Variants in TCF7 observed in about 807,000 individuals in gnomAD.
TCF7 encodes T-cell-factor-7.
In TCF7, 19 loss-of-function variants were observed where a neutral mutation model predicts 46.8. The ratio of observed to expected loss-of-function variants is 0.41; its 90% CI spans 0.28 to 0.60. The LOEUF is 0.60. Ranked by LOEUF, TCF7 falls within the 20% of genes least tolerant of loss-of-function variation. The pLI, the probability that TCF7 is intolerant of heterozygous loss-of-function variation, is 0.35. For missense variants in TCF7, 547 were observed against 504.6 expected (o/e 1.08, Z -0.81); for synonymous variants, 245 against 213.4 (o/e 1.15, Z -1.29).
chr5:134,115,274 C>T (rs1755641344), intron 1 of TCF7, 47 bp from the exon 2 acceptor site: 4 of 1,498,348 alleles, frequency 2.7e-6, no homozygotes, highest in African/African-American at 1.4e-5. Context: ...TCGGCCCCGA[C>T]CCCCGCGGTC....
chr5:134,138,443 A>G (rs1262943868), intron 4 of TCF7, among the ~76,000 whole-genome samples: 2 of 152,190 alleles, frequency 1.3e-5, no homozygotes, highest in Non-Finnish European at 2.9e-5. Flanking sequence ...GAGAACTGTA[A>G]AACTGTAGCC....
chr5:134,125,348 G>A (rs1043596308), intron 3 of TCF7, among the ~76,000 whole-genome samples: 6 of 152,314 alleles, frequency 3.9e-5, no homozygotes, highest in East Asian at 3.9e-4. Flanking sequence ...AGGACGCCCC[G>A]CATTGGTGGG....
intron 9 of TCF7, chr5:134,145,810 G>A (rs1233745520): frequency 6.2e-7 from 1 of 1,613,692 alleles, no homozygotes. Context: ...TCTTCCTCTA[G>A]CCCAGCTTGA....
intron 3 of TCF7, among the ~76,000 whole-genome samples, chr5:134,120,662 T>A (rs1000811975): frequency 6.6e-6 from 1 of 152,210 alleles, no homozygotes; most frequent in Non-Finnish European, 1.5e-5. Flanking sequence ...TCAATTCAGA[T>A]GTCTCTGCCT....
At chr5:134,145,984 C>T in intron 9 of TCF7, 2 of 1,474,874 alleles carry the variant, frequency 1.4e-6, no homozygotes, top group Non-Finnish European at 1.8e-6. Flanking sequence ...GATGACAGCC[C>T]ATAGGCCTAG....
At chr5:134,145,731 AT>A (rs1760600103) in intron 9 of TCF7, 7 of 1,613,884 alleles carry the variant, frequency 4.3e-6, no homozygotes, top group Non-Finnish European at 5.9e-6. Context: ...TATTCCATTC[AT>A]TCCATCAGAG....
chr5:134,122,165 G>A (rs915794785), intron 3 of TCF7, among the ~76,000 whole-genome samples: 13 of 152,090 alleles, frequency 8.5e-5, no homozygotes, highest in African/African-American at 3.1e-4. Flanking sequence ...GCACCATGAA[G>A]GGGGCCGATC....
intron 3 of TCF7, among the ~76,000 whole-genome samples, chr5:134,128,619 C>T (rs1369287461): frequency 1.3e-5 from 2 of 151,008 alleles, no homozygotes; most frequent in Non-Finnish European, 1.5e-5. Context: ...TCAGAGGCTA[C>T]TAGATTAAAT....
At chr5:134,127,783 ACAGGAAT>A (rs1169568082) in intron 3 of TCF7, among the ~76,000 whole-genome samples, 2 of 152,234 alleles carry the variant, frequency 1.3e-5, no homozygotes, top group Admixed American at 1.3e-4. Flanking sequence ...ATCTGGCCTG[ACAGGAAT>A]CAGGCAGTGG....
At chr5:134,133,131 G>C (rs976626020) in intron 3 of TCF7, among the ~76,000 whole-genome samples, 2 of 152,182 alleles carry the variant, frequency 1.3e-5, no homozygotes, top group African/African-American at 4.8e-5. Context: ...GTAGCCCTGG[G>C]GTGTCTGGGA....
rs972493876 is a variant in TCF7 at position 134,115,324 on chromosome 5, C to T, written c.253C>T (p.Leu85Phe). ...TCCCCTCCGGTTCTCCCTCCAGGCT[C>T]TCGGGCGGGAACACGCTGCGCAGAG... ...GAGARGEAEA[L>F]GREHAAQRLF... Residue 85 changes from leucine to phenylalanine, a missense_variant, in exon 2 of 10, where the codon CTC (leucine) becomes TTC (phenylalanine). Around this residue, in one of 3 missense-constraint regions of TCF7, gnomAD observed 425 missense variants for 349.9 expected, o/e 1.21. Transcript: ENST00000342854. 1 of 1,585,450 alleles carries T rather than the reference C, an allele frequency of 6.3e-7. No homozygotes were observed. The highest frequency in any genetic ancestry group is 8.6e-7 in the Non-Finnish European group (1 of 1,167,000).
At chr5:134,143,686 C>A in intron 9 of TCF7, 46 bp downstream of exon 9, 1 of 1,610,050 alleles carries the variant, frequency 6.2e-7, no homozygotes, top group Non-Finnish European at 8.5e-7. Context: ...TCCATGTCCC[C>A]ATTTCAAGAG....
chr5:134,143,844 C>A, intron 9 of TCF7: 2 of 596,410 alleles, frequency 3.4e-6, no homozygotes, highest in Non-Finnish European at 5.9e-6. Flanking sequence ...GGAAACCCAG[C>A]AGAACTGGCT....
chr5:134,114,751 C>G lies in TCF7; in HGVS notation c.-156C>G, dbSNP rs1238771838. 3 of 748,040 alleles carry G rather than the reference C, an allele frequency of 4.0e-6. No homozygotes were observed. Among genetic ancestry groups the G allele is most frequent in the South Asian group, 1.2e-4 (2 of 16,758 alleles). The allele number at this position is 748,040 out of a possible 1,614,324, so 46.3% of individuals were successfully genotyped here. On this transcript the variant is annotated 5_prime_UTR_variant, in exon 1 of 10. Coordinates refer to ENST00000342854, the MANE Select transcript of TCF7 (RefSeq NM_003202.5). ...AGCCGCTCTGCCCCGCGCCCTAGCCCGCGCCTGCAGCCCGCCCAGGCGGAG... is the reference window on the plus strand; with the variant it reads ...AGCCGCTCTGCCCCGCGCCCTAGCCGGCGCCTGCAGCCCGCCCAGGCGGAG...
chr5:134,123,702 C>A (rs1319806172), intron 3 of TCF7: 3 of 456,272 alleles, frequency 6.6e-6, no homozygotes, highest in South Asian at 4.6e-5. Context: ...TGGGGCAGCG[C>A]TGGTTCCAGA....
chr5:134,109,335 G>T, the TCF7 span, among the ~76,000 whole-genome samples: 3 of 152,170 alleles, frequency 2.0e-5, no homozygotes, highest in African/African-American at 7.2e-5. Flanking sequence ...TTTAGTGCAG[G>T]CGTATTCCTC....
chr5:134,141,532 C>T (rs1353215408), intron 5 of TCF7: 5 of 152,328 alleles, frequency 3.3e-5, no homozygotes, highest in Non-Finnish European at 7.3e-5. Context: ...ATGGGGAAGC[C>T]CCAAGGAGAC....
intron 3 of TCF7, among the ~76,000 whole-genome samples, chr5:134,134,789 A>G (rs1167435587): frequency 6.6e-6 from 1 of 152,220 alleles, no homozygotes; most frequent in Non-Finnish European, 1.5e-5. Flanking sequence ...GCCTAGAGCC[A>G]GGCTTCCCAA....
upstream of TCF7, among the ~76,000 whole-genome samples, chr5:134,113,519 T>C (rs1417903247): frequency 6.6e-6 from 1 of 152,146 alleles, no homozygotes; most frequent in East Asian, 1.9e-4. Context: ...AGGCGTCCAA[T>C]ACCCGGCCCT....
Sources: allele counts gnomAD v4.1 joint callset (sites outside exome capture counted in the v4.1 genomes callset), GRCh38; gene constraint gnomAD v4.1.1; regional missense constraint gnomAD v4.1.1; transcripts MANE v1.5; gene names NCBI Gene and HGNC (gene_info 2026-07-23, HGNC 2026-07-21).